HSPB7: variants seen among roughly 807,000 people sequenced by gnomAD.
HSPB7 encodes heat shock protein beta-7.
In HSPB7, 9 loss-of-function variants were observed where a neutral mutation model predicts 11.0. The ratio of observed to expected loss-of-function variants is 0.82; its 90% confidence interval spans 0.49 to 1.43. The LOEUF (loss-of-function observed/expected upper bound fraction) is 1.43, where lower values mean the gene tolerates loss of function less well. Ranked by LOEUF, HSPB7 falls within the 40% of genes most tolerant of loss-of-function variation. HSPB7 has a pLI of 0.00. For synonymous variants in HSPB7, 102 were observed against 101.6 expected (o/e 1.00, Z -0.02); for missense variants, 246 against 243.9 (o/e 1.01, Z -0.06).
chr1:16,017,832 G>A lies in HSPB7; in HGVS notation c.132C>T (p.Ala44=). 2 of 1,613,860 alleles carry A rather than the reference G, an allele frequency of 1.2e-6. No individual in the cohort carries two copies. Among genetic ancestry groups the A allele is most frequent in the Non-Finnish European group, 1.7e-6 (2 of 1,179,878 alleles). The change falls in exon 1 of 3, where the codon GCC becomes GCT. Residue 44 remains alanine, a synonymous_variant. Transcript: ENST00000311890. ...CAAAGTCATCGGAAAACATGCTCAG[G>A]GCCTTCTCCATGGGCGGGTCCTGGG... The part of the protein sequence containing the change: ...LPAQDPPMEK[A]LSMFSDDFGS...
upstream of HSPB7, chr1:16,018,144 G>C (rs1277693259): frequency 3.4e-5 from 52 of 1,542,626 alleles, no homozygotes; most frequent in Non-Finnish European, 4.2e-5. Flanking sequence ...ATGGCCCAGA[G>C]GGGGCTGGAA....
Position 16,015,622 on chromosome 1 carries a change from T to C in HSPB7, c.471A>G (p.Thr157=), listed in dbSNP as rs2021647303. 1 of 1,614,048 alleles carries C rather than the reference T, an allele frequency of 6.2e-7. No homozygotes were observed. The highest frequency in any genetic ancestry group is 8.5e-7 in the Non-Finnish European group (1 of 1,179,974). ...TCCGGAAGGTCTGCTGGACGTGTTC[T>C]GTATGCGGGTGACGCCGTGCCCGGA... ...LTIRARRHPH[T]EHVQQTFRTE... is the part of the protein sequence containing the mutation. The change falls in exon 3 of 3, where the codon ACA becomes ACG. Residue 157 remains threonine, a synonymous_variant. Coordinates refer to ENST00000311890, the MANE Select transcript of HSPB7 (RefSeq NM_014424.5). The surrounding 1 kb of genome is among the most constrained non-coding windows in gnomAD (Gnocchi z 4.9).
chr1:16,018,229 C>A (rs2021917699), upstream of HSPB7: 1 of 1,479,152 alleles, frequency 6.8e-7, no homozygotes, highest in Admixed American at 2.1e-5. Context: ...GCCTGACATT[C>A]CAGGCTGATC....
chr1:16,017,001 G>A (rs1227568982), intron 2 of HSPB7, 73 bp downstream of exon 2: 2 of 1,482,764 alleles, frequency 1.3e-6, no homozygotes, highest in Non-Finnish European at 1.9e-6. Flanking sequence ...TCCCAGGATG[G>A]TAAGGGGGAG....
chr1:16,016,833 G>GC (rs2021764091), intron 2 of HSPB7, among the ~76,000 whole-genome samples: 2 of 152,140 alleles, frequency 1.3e-5, no homozygotes, highest in South Asian at 4.1e-4. Context: ...TTCCTCGGAG[G>GC]CTCCCTCAGC....
rs1014090341 is a variant in HSPB7, at chr1:16,014,924, C to T, written c.*656G>A. The T allele has an allele frequency of 6.6e-6, 1 of 152,504 alleles. No individual in the cohort carries two copies. Among genetic ancestry groups the T allele is most frequent in the African/African-American group, 2.4e-5 (1 of 41,474 alleles). 9.4% of individuals were successfully genotyped at this position (152,504 alleles called of 1,614,324 possible). On this transcript the variant is annotated 3_prime_UTR_variant, in exon 3 of 3. Transcript: ENST00000311890. ...GAGTTTCATGCAGTTTATCACGAAC[C>T]AGCTGTATTGGAAAAACCCCATCTA...
At chr1:16,019,445 G>T, upstream of HSPB7, 2 of 1,550,062 alleles carry the variant, frequency 1.3e-6, no homozygotes, top group Middle Eastern at 1.7e-4. Context: ...TTCCCACGGG[G>T]GCGAGGGTTC....
chr1:16,017,877 C>T lies in HSPB7; in HGVS notation c.87G>A (p.Ser29=), dbSNP rs756233228. ...SSSSSSSTSS[S]ASRALPAQDP... is the part of the protein sequence containing the mutation. ...CCTGGGCCGGGAGAGCACGGGAGGC[C>T]GAGGAGGAGGTGGAAGAGGAGGAGG... Residue 29 remains serine (S), a synonymous_variant, in exon 1 of 3, where the codon TCG becomes TCA. Coordinates refer to ENST00000311890, the MANE Select transcript of HSPB7 (RefSeq NM_014424.5). 6 of 1,613,698 alleles carry T rather than the reference C, an allele frequency of 3.7e-6. No individual in the cohort carries two copies. The highest frequency in any genetic ancestry group is 2.7e-5 in the African/African-American group (2 of 74,920).
At position 16,015,764 on chromosome 1, in the gene HSPB7, G is replaced by T; in HGVS notation, c.334-5C>A. 6.4e-7 allele frequency: 1 copy of T among 1,572,482 alleles called. No individual in the cohort carries two copies. Among genetic ancestry groups the T allele is most frequent in the South Asian group, 1.2e-5 (1 of 85,394 alleles). ...GACAGTGCCGTCAGCCGCCAGCTGG[G>T]GAAGGGGTGACCCGTCAGGCAGGCT... is the stretch of plus-strand genomic sequence containing the variant. On this transcript the variant is annotated splice_polypyrimidine_tract_variant and splice_region_variant and intron_variant, in intron 2 of 2. Transcript: ENST00000311890. The surrounding 1 kb of genome is among the most constrained non-coding windows in gnomAD (Gnocchi z 4.9).
chr1:16,019,081 G>T, upstream of HSPB7: 1 of 1,433,206 alleles, frequency 7.0e-7, no homozygotes, highest in Non-Finnish European at 9.3e-7. Flanking sequence ...GCCCGGAAGA[G>T]CCAGAGAAGC....
upstream of HSPB7, chr1:16,018,158 T>C (rs1417959069): frequency 1.9e-6 from 3 of 1,538,784 alleles, no homozygotes; most frequent in Admixed American, 2.0e-5. Flanking sequence ...GCTGGAAATC[T>C]TCTCCCGTGC....
upstream of HSPB7, chr1:16,018,431 T>A (rs2021930503): frequency 8.6e-7 from 1 of 1,164,632 alleles, no homozygotes; most frequent in Non-Finnish European, 1.1e-6. Flanking sequence ...CGGCTGTACC[T>A]CCTCCATCAG....
In HSPB7 at chr1:16,015,544, G is replaced by A. The variant is rs1425005567; in HGVS notation, c.*36C>T. On this transcript the variant is annotated 3_prime_UTR_variant, in exon 3 of 3. Coordinates refer to ENST00000311890, the MANE Select transcript of HSPB7 (RefSeq NM_014424.5). The surrounding 1 kb of genome is among the most constrained non-coding windows in gnomAD (Gnocchi z 4.9). ...TTAGCGAGGCTTTGCTGGCAGGCGT[G>A]GGGCGGGGGGACAGGGAAAGGGAAG... The A allele has an allele frequency of 1.2e-6, 2 of 1,602,878 alleles. No homozygotes were observed. Among genetic ancestry groups the A allele is most frequent in the South Asian group, 1.1e-5 (1 of 90,622 alleles).
In HSPB7 at chr1:16,015,687, ACGT is replaced by A; in HGVS notation, c.403_405del (p.Thr135del). The A allele has an allele frequency of 6.2e-7, 1 of 1,613,114 alleles. No individual in the cohort carries two copies. The highest frequency in any genetic ancestry group is 8.5e-7 in the Non-Finnish European group (1 of 1,179,534). ...TCCTCCCGCAGAGCCGAGGTCACCG[ACGT>A]CGGGTCCACGTCCTCCGGCAGCTGG... On this transcript the variant is annotated inframe_deletion, in exon 3 of 3. Transcript: ENST00000311890. The surrounding 1 kb of genome is among the most constrained non-coding windows in gnomAD (Gnocchi z 4.9).
At position 16,018,024 on chromosome 1, in the gene HSPB7, G is replaced by T. The variant is rs1192898753; in HGVS notation, c.-61C>A. On this transcript the variant is annotated 5_prime_UTR_variant, in exon 1 of 3. Coordinates refer to ENST00000311890, the MANE Select transcript of HSPB7 (RefSeq NM_014424.5). ...GGGCTGGACAGGAGAGGGTGTGGGC[G>T]CAGGCCTCTGGGCGAGCGTGCCAGG... 1.1e-5 allele frequency: 17 copies of T among 1,610,642 alleles called. No homozygotes were observed. Among genetic ancestry groups the T allele is most frequent in the Non-Finnish European group, 1.4e-5 (17 of 1,178,900 alleles).
upstream of HSPB7, chr1:16,019,248 A>C (rs946124565): frequency 5.8e-6 from 9 of 1,543,142 alleles, no homozygotes; most frequent in African/African-American, 8.2e-5. Flanking sequence ...TCCGTCCCAG[A>C]TCAGCTCCAA....
intron 1 of HSPB7, 67 bp downstream of exon 1, chr1:16,017,698 G>T (rs2021850724): frequency 7.3e-7 from 1 of 1,371,338 alleles, no homozygotes; most frequent in Admixed American, 2.6e-5. Context: ...AGCGCCTTCG[G>T]TGGCGCCCTG....
chr1:16,016,051 T>G (rs899782973), intron 2 of HSPB7, among the ~76,000 whole-genome samples: 1 of 152,216 alleles, frequency 6.6e-6, no homozygotes, highest in African/African-American at 2.4e-5. Flanking sequence ...GCTCCGAATC[T>G]GGGGCTCCTG....
Position 16,015,860 on chromosome 1 carries a change from A to G in HSPB7, c.334-101T>C, listed in dbSNP as rs1316803905. 1.2e-5 allele frequency: 14 copies of G among 1,124,370 alleles called. No individual in the cohort carries two copies. The South Asian group carries it at 1.4e-4, about 11-fold the overall frequency. 69.6% of individuals were successfully genotyped at this position (1,124,370 alleles called of 1,614,324 possible). Reference sequence around the variant, plus strand: ...CCCATTCTAACCCCAGCCAGACCCCACATGCCGAGGGGCTCTGCCCTCAGG... The same window carrying G: ...CCCATTCTAACCCCAGCCAGACCCCGCATGCCGAGGGGCTCTGCCCTCAGG... On this transcript the variant is annotated intron_variant, in intron 2 of 2. Coordinates refer to ENST00000311890, the MANE Select transcript of HSPB7 (RefSeq NM_014424.5). The surrounding 1 kb of genome is among the most constrained non-coding windows in gnomAD (Gnocchi z 4.9).
Sources: gnomAD v4.1 joint callset for allele counts (sites outside exome capture counted in the v4.1 genomes callset) on GRCh38, gnomAD v4.1.1 for gene constraint, Gnocchi (gnomAD v3.1) non-coding constraint, MANE v1.5 for transcripts, NCBI Gene and HGNC (gene_info 2026-07-23, HGNC 2026-07-21) for gene names.